The following AUTS2 variants were observed in gnomAD, a reference collection of about 807,000 sequenced individuals.
AUTS2 encodes the protein activator of transcription and developmental regulator AUTS2.
A neutral mutation model predicts 112.4 loss-of-function variants in AUTS2; 17 were observed. The ratio of observed to expected loss-of-function variants is 0.15; its 90% confidence interval spans 0.10 to 0.23. AUTS2 has a LOEUF of 0.23. Among genes scored for constraint, AUTS2 ranks in the 10% least tolerant of loss-of-function variants. The pLI, the probability that AUTS2 is intolerant of heterozygous loss-of-function variation, is 1.00. For missense variants in AUTS2, 1,510 were observed against 1,701.6 expected (o/e 0.89, Z 1.98); for synonymous variants, 751 against 702.7 (o/e 1.07, Z -1.09).
chr7:70,593,485 C>T (rs1171055166), intron 5 of AUTS2, among the ~76,000 whole-genome samples: 1 of 152,114 alleles, frequency 6.6e-6, no homozygotes, highest in African/African-American at 2.4e-5. Context: ...TAGTCACATA[C>T]ACCTTGGAGA....
At position 69,599,832 on chromosome 7, in the gene AUTS2, G is replaced by C. The variant is rs1211090903; in HGVS notation, c.179G>C (p.Gly60Ala). The change falls in exon 1 of 19, where the codon GGG (glycine) becomes GCG (alanine). Residue 60 changes from glycine (G) to alanine (A), a missense_variant. Around this residue, in one of 3 missense-constraint regions of AUTS2, gnomAD observed 535 missense variants for 594.3 expected, o/e 0.90. Coordinates refer to ENST00000342771, the MANE Select transcript of AUTS2 (RefSeq NM_015570.4). This position sits in a 1 kb window ranked among gnomAD's most constrained non-coding sequence, Gnocchi z 7.0. ...TCGGGCTCCGACAAGGAAGACAATGGGAAGCCCCCGTCCTCCGCCCCGTCC... is the reference window on the plus strand; with the variant it reads ...TCGGGCTCCGACAAGGAAGACAATGCGAAGCCCCCGTCCTCCGCCCCGTCC... ...SSSGSDKEDN[G>A]KPPSSAPSRP... The C allele has an allele frequency of 6.2e-7, 1 of 1,610,670 alleles. No homozygotes were observed. The highest frequency in any genetic ancestry group is 1.3e-5 in the African/African-American group (1 of 74,712).
intron 3 of AUTS2, among the ~76,000 whole-genome samples, chr7:70,125,390 C>T (rs1040416944): frequency 2.5e-4 from 38 of 152,000 alleles, no homozygotes; most frequent in Admixed American, 6.6e-5. Context: ...TAATGCCTAA[C>T]GTCTTACAAG....
intron 5 of AUTS2, among the ~76,000 whole-genome samples, chr7:70,632,290 C>A (rs1381939333): frequency 6.6e-6 from 1 of 152,078 alleles, no homozygotes; most frequent in Non-Finnish European, 1.5e-5. Context: ...AGGAAGGAGG[C>A]CCCAGCGAAA....
At chr7:70,469,032 A>G (rs1246880593) in intron 5 of AUTS2, among the ~76,000 whole-genome samples, 1 of 152,236 alleles carries the variant, frequency 6.6e-6, no homozygotes, top group Non-Finnish European at 1.5e-5. Flanking sequence ...TTCTGCACCA[A>G]AGTTGCAGAA....
In AUTS2 at chr7:70,233,723, G is replaced by A. The variant is rs572157015; in HGVS notation, c.660+99152G>A. ...CTTTTTTGATGCTAACATTATCCCC[G>A]TAGGGTCCTAATCAGGTTTTAGACT... On this transcript the variant is annotated intron_variant, in intron 4 of 18. Coordinates refer to ENST00000342771, the MANE Select transcript of AUTS2 (RefSeq NM_015570.4). 1.3e-4 allele frequency among the ~76,000 whole-genome samples: 20 copies of A among 152,162 alleles called. 2 individuals are homozygous for A. In the South Asian group the frequency reaches 3.1e-3, roughly 24 times the overall value.
At chr7:70,563,930 C>A (rs1801596532) in intron 5 of AUTS2, among the ~76,000 whole-genome samples, 2 of 152,100 alleles carry the variant, frequency 1.3e-5, no homozygotes, top group Admixed American at 1.3e-4. Flanking sequence ...TTGAAAAAAT[C>A]AAAATGCATA....
intron 6 of AUTS2, among the ~76,000 whole-genome samples, chr7:70,749,335 C>T (rs749249722): frequency 2.6e-5 from 4 of 152,080 alleles, no homozygotes; most frequent in Non-Finnish European, 5.9e-5. Context: ...CTTGAATGTG[C>T]ATGGGGCAGG....
intron 5 of AUTS2, among the ~76,000 whole-genome samples, chr7:70,491,389 T>C (rs1433508138): frequency 1.4e-5 from 2 of 146,274 alleles, no homozygotes; most frequent in African/African-American, 2.6e-5. Context: ...CATGGCAAGT[T>C]AAATGACTTG....
At chr7:70,525,410 TTGAATGAA>T (rs67682986) in intron 5 of AUTS2, among the ~76,000 whole-genome samples, 51,528 of 151,524 alleles carry the variant, frequency 0.34, 9,089 homozygotes, top group African/African-American at 0.44. Flanking sequence ...TGTATATTTG[TTGAATGAA>T]TGAATGAATG....
intron 4 of AUTS2, among the ~76,000 whole-genome samples, chr7:70,352,456 T>C (rs1042949656): frequency 3.3e-5 from 5 of 152,166 alleles, no homozygotes; most frequent in Non-Finnish European, 7.3e-5. Flanking sequence ...GTGCCCATTT[T>C]AATGAATGTT....
chr7:69,893,568 A>T (rs571908245), intron 1 of AUTS2, among the ~76,000 whole-genome samples: 1 of 152,310 alleles, frequency 6.6e-6, no homozygotes, highest in South Asian at 2.1e-4. Context: ...CTAAGATCAG[A>T]TAACTAACAG....
chr7:69,895,930 C>T (rs188401054), intron 1 of AUTS2, among the ~76,000 whole-genome samples: 14 of 152,302 alleles, frequency 9.2e-5, no homozygotes, highest in Admixed American at 2.0e-4. Flanking sequence ...GCATATGATG[C>T]AGGGCAGTAG....
At position 70,486,280 on chromosome 7, in the gene AUTS2, G is replaced by T. The variant is rs1021860139; in HGVS notation, c.690+50499G>T. On this transcript the variant is annotated intron_variant, in intron 5 of 18. Transcript: ENST00000342771. ...TGCTGAGGCTCACATCTTGTCTCTC[G>T]CTGTACCCTTGGGGAAGTTATCAAA... 3.9e-5 allele frequency among the ~76,000 whole-genome samples: 6 copies of T among 152,254 alleles called. No homozygotes were observed. In the South Asian group the frequency reaches 1.2e-3, roughly 32 times the overall value.
At chr7:69,876,307 T>G (rs1461783145) in intron 1 of AUTS2, among the ~76,000 whole-genome samples, 1 of 99,656 alleles carries the variant, frequency 1.0e-5, no homozygotes, top group Non-Finnish European at 1.8e-5. Flanking sequence ...GCCTGGGTGA[T>G]GGAGCGAGAC....
chr7:70,100,289 G>T (rs1804414436), intron 2 of AUTS2, among the ~76,000 whole-genome samples: 1 of 152,062 alleles, frequency 6.6e-6, no homozygotes, highest in Non-Finnish European at 1.5e-5. Context: ...TGTGCTTTAG[G>T]ACACTTTTCT....
chr7:70,236,687 T>A (rs1057065015), intron 4 of AUTS2, among the ~76,000 whole-genome samples: 2 of 152,186 alleles, frequency 1.3e-5, no homozygotes, highest in Admixed American at 6.5e-5. Flanking sequence ...CTGTTTAGTT[T>A]TACAAGTCTA....
intron 2 of AUTS2, among the ~76,000 whole-genome samples, chr7:70,003,290 A>C (rs1348957535): frequency 7.6e-6 from 1 of 132,136 alleles, no homozygotes; most frequent in African/African-American, 2.8e-5. Context: ...TATATATATT[A>C]TATATGAATA....
chr7:69,650,962 C>T (rs550836671), intron 1 of AUTS2, among the ~76,000 whole-genome samples: 2 of 152,326 alleles, frequency 1.3e-5, no homozygotes, highest in South Asian at 2.1e-4. Context: ...TGCTCTTCCT[C>T]ATCTTTATAT....
Position 69,927,315 on chromosome 7 carries a change from C to T in AUTS2, c.522+27817C>T, listed in dbSNP as rs190978695. Among the ~76,000 whole-genome samples, 331 of 151,376 alleles carry T rather than the reference C, an allele frequency of 2.2e-3. 1 individual carries two copies. Among genetic ancestry groups the T allele is most frequent in the African/African-American group, 7.5e-3 (311 of 41,328 alleles). The stretch of plus-strand genomic sequence containing the variant: ...TTACTCTTCTATTTACTTACATTTA[C>T]GCCTTTATAGCCTTTATACTGTCGA... On this transcript the variant is annotated intron_variant, in intron 2 of 18. Coordinates refer to ENST00000342771, the MANE Select transcript of AUTS2 (RefSeq NM_015570.4).
Sources: gnomAD v4.1 joint callset for allele counts (sites outside exome capture counted in the v4.1 genomes callset) on GRCh38, gnomAD v4.1.1 for gene constraint, gnomAD v4.1.1 regional missense constraint, Gnocchi (gnomAD v3.1) non-coding constraint, MANE v1.5 for transcripts, NCBI Gene and HGNC (gene_info 2026-07-23, HGNC 2026-07-21) for gene names.